The following GABRG2 variants were observed in gnomAD, a reference collection of about 807,000 sequenced individuals.
The protein encoded by GABRG2 is gamma-aminobutyric acid type A receptor subunit gamma2, also known as gamma-aminobutyric acid receptor subunit gamma-2.
A neutral mutation model predicts 56.4 loss-of-function variants in GABRG2; 16 were observed. The ratio of observed to expected loss-of-function variants is 0.28; its 90% confidence interval spans 0.19 to 0.43. The LOEUF (loss-of-function observed/expected upper bound fraction) is 0.43, where lower values mean the gene tolerates loss of function less well. Among genes scored for constraint, GABRG2 ranks in the 20% least tolerant of loss-of-function variants. GABRG2 has a pLI of 1.00. For missense variants in GABRG2, 327 were observed against 582.7 expected, an observed-to-expected ratio of 0.56 and a Z score of 4.52; for synonymous variants, 208 against 205.5, an observed-to-expected ratio of 1.01 and a Z score of -0.10.
intron 6 of GABRG2, among the ~76,000 whole-genome samples, chr5:162,128,837 C>A (rs934257221): frequency 6.6e-6 from 1 of 151,828 alleles, no homozygotes; most frequent in Non-Finnish European, 1.5e-5. Flanking sequence ...TAATGGAATG[C>A]CATTGTGAGA....
At chr5:162,147,209 C>T (rs1024567725) in intron 7 of GABRG2, among the ~76,000 whole-genome samples, 2 of 150,300 alleles carry the variant, frequency 1.3e-5, no homozygotes, top group Non-Finnish European at 2.9e-5. Context: ...TTCTTTCTTT[C>T]TTCCTTCTTT....
intron 1 of GABRG2, among the ~76,000 whole-genome samples, chr5:162,089,880 A>C (rs2113266572): frequency 6.6e-6 from 1 of 152,238 alleles, no homozygotes; most frequent in South Asian, 2.1e-4. Flanking sequence ...CGAAATCTGA[A>C]ATACCTAGGT....
At chr5:162,078,958 T>C (rs1477662357) in intron 1 of GABRG2, among the ~76,000 whole-genome samples, 1 of 150,702 alleles carries the variant, frequency 6.6e-6, no homozygotes, top group Admixed American at 6.6e-5. Flanking sequence ...CATAAAAAAA[T>C]CTTTTATATA....
At chr5:162,099,613 A>G (rs970750922) in intron 4 of GABRG2, 1 of 152,192 alleles carries the variant, frequency 6.6e-6, no homozygotes, top group Non-Finnish European at 1.5e-5. Context: ...TTCGCCTGAT[A>G]CATCAGAGCT....
At chr5:162,086,522 C>T (rs571098194) in intron 1 of GABRG2, among the ~76,000 whole-genome samples, 13 of 151,886 alleles carry the variant, frequency 8.6e-5, no homozygotes, top group African/African-American at 3.1e-4. Flanking sequence ...AAATAAAAAC[C>T]CATGTAATTG....
intron 8 of GABRG2, chr5:162,149,952 A>G: frequency 4.8e-6 from 1 of 208,782 alleles, no homozygotes; most frequent in South Asian, 8.0e-5. Context: ...TTAAATTAAA[A>G]CTTCCATCTC....
intron 6 of GABRG2, chr5:162,128,537 G>T (rs1257420425): frequency 6.6e-6 from 1 of 151,738 alleles, no homozygotes; most frequent in African/African-American, 2.4e-5. Flanking sequence ...GCAAAATGCT[G>T]TTGCTCCAAA....
chr5:162,089,512 A>T (rs1355914207), intron 1 of GABRG2, among the ~76,000 whole-genome samples: 3 of 152,196 alleles, frequency 2.0e-5, no homozygotes, highest in Non-Finnish European at 4.4e-5. Context: ...GTCTTGATAG[A>T]TTTATTTTGA....
intron 6 of GABRG2, among the ~76,000 whole-genome samples, chr5:162,119,132 A>G (rs1762819075): frequency 6.6e-6 from 1 of 152,126 alleles, no homozygotes; most frequent in African/African-American, 2.4e-5. Context: ...TAGACTCCAC[A>G]CAGAGATATA....
chr5:162,088,812 A>G (rs570423323), intron 1 of GABRG2, among the ~76,000 whole-genome samples: 2 of 152,214 alleles, frequency 1.3e-5, no homozygotes, highest in Non-Finnish European at 2.9e-5. Context: ...TAATTATGGG[A>G]ATATCAGTGT....
chr5:162,142,899 T>TA (rs367608649), intron 7 of GABRG2: 26,210 of 144,854 alleles, frequency 0.18, 2,326 homozygotes, highest in South Asian at 0.25. Context: ...TAAAGCATAA[T>TA]AAAAAAAAAA....
rs912927082 is a variant in GABRG2, at chr5:162,151,657, CTT to C, written c.1129-65_1129-64del. The C allele has an allele frequency of 2.4e-6, 3 of 1,246,872 alleles. No individual in the cohort carries two copies. The African/African-American group carries it at 4.6e-5, about 19-fold the overall frequency. The allele number at this position is 1,246,872 out of a possible 1,614,324, so 77.2% of individuals were successfully genotyped here. ...TATTTTTAATTTATCTTGTCTCTCT[CTT>C]TTTTTTTCATTTTTTTTCTCCTTTT... On this transcript the variant is annotated intron_variant, in intron 8 of 9. Transcript: ENST00000639213.
intron 1 of GABRG2, among the ~76,000 whole-genome samples, chr5:162,080,958 A>G (rs1759612843): frequency 6.6e-6 from 1 of 152,144 alleles, no homozygotes; most frequent in Non-Finnish European, 1.5e-5. Flanking sequence ...CTTTGCATCT[A>G]ATAAATGGCA....
chr5:162,084,762 T>C (rs1759929705), intron 1 of GABRG2, among the ~76,000 whole-genome samples: 1 of 151,938 alleles, frequency 6.6e-6, no homozygotes, highest in Non-Finnish European at 1.5e-5. Flanking sequence ...TGGTAAATAA[T>C]TACGTCCTTC....
intron 7 of GABRG2, among the ~76,000 whole-genome samples, chr5:162,145,096 C>T (rs1015162195): frequency 1.6e-4 from 24 of 152,176 alleles, no homozygotes; most frequent in Non-Finnish European, 2.5e-4. Context: ...CTTAAGCACA[C>T]GCAGACCTTA....
chr5:162,108,071 T>C (rs540833261), intron 6 of GABRG2, among the ~76,000 whole-genome samples: 10 of 152,280 alleles, frequency 6.6e-5, no homozygotes, highest in African/African-American at 2.4e-4. Flanking sequence ...CTCATAACCA[T>C]AGTTAACATT....
chr5:162,140,602 T>C lies in GABRG2; in HGVS notation c.770-1562T>C, dbSNP rs1441446784. Among the ~76,000 whole-genome samples the C allele has an allele frequency of 2.0e-5, 3 of 152,232 alleles. No individual in the cohort carries two copies. In the East Asian group the frequency reaches 5.8e-4, roughly 29 times the overall value. On this transcript the variant is annotated intron_variant, in intron 6 of 9. Coordinates refer to ENST00000639213, the MANE Select transcript of GABRG2 (RefSeq NM_198904.4). ...GAAACGTAGGCACAAAGCCAACTAA[T>C]CAAGCTAAAAGATATGATTTGAATT...
intron 6 of GABRG2, among the ~76,000 whole-genome samples, chr5:162,109,424 T>TATATATATA (rs1581377391): frequency 4.6e-5 from 4 of 87,752 alleles, no homozygotes; most frequent in Admixed American, 2.1e-4. Flanking sequence ...ATATATATAT[T>TATATATATA]TATTTATATA....
At chr5:162,088,341 G>A (rs1760293559) in intron 1 of GABRG2, among the ~76,000 whole-genome samples, 2 of 152,130 alleles carry the variant, frequency 1.3e-5, no homozygotes, top group South Asian at 2.1e-4. Flanking sequence ...ACCTTTTGCA[G>A]TGGCTGAAGG....
Sources: allele counts gnomAD v4.1 joint callset (sites outside exome capture counted in the v4.1 genomes callset), GRCh38; gene constraint gnomAD v4.1.1; transcripts MANE v1.5; gene names NCBI Gene and HGNC (gene_info 2026-07-23, HGNC 2026-07-21).